Variants in LUZP2 observed in about 807,000 individuals in gnomAD.
LUZP2 encodes leucine zipper protein 2.
A neutral mutation model predicts 51.6 loss-of-function variants in LUZP2; 52 were observed. That is an observed-to-expected ratio of 1.01 (90% CI 0.81 to 1.27). The LOEUF (loss-of-function observed/expected upper bound fraction) is 1.27, where lower values mean the gene tolerates loss of function less well. LUZP2 is among the 50% of genes most tolerant of loss of function. LUZP2 has a pLI of 0.00. For missense variants in LUZP2, 436 were observed against 395.4 expected, an observed-to-expected ratio of 1.10 and a Z score of -0.87; for synonymous variants, 154 against 137.3, an observed-to-expected ratio of 1.12 and a Z score of -0.85.
chr11:25,047,864 G>A (rs928144353), intron 9 of LUZP2, among the ~76,000 whole-genome samples: 2 of 152,074 alleles, frequency 1.3e-5, no homozygotes, highest in Non-Finnish European at 2.9e-5. Context: ...CCTATGCCGG[G>A]TAAGAGTGCA....
At chr11:24,622,236 G>A (rs113886476) in intron 1 of LUZP2, among the ~76,000 whole-genome samples, 35,250 of 150,832 alleles carry the variant, frequency 0.23, 4,384 homozygotes, top group East Asian at 0.32. Flanking sequence ...CCATTAACTC[G>A]TCATTTACAT....
At chr11:25,044,249 GTGTGTGTGTATATATA>G (rs1565273885) in intron 9 of LUZP2, among the ~76,000 whole-genome samples, 1 of 70,512 alleles carries the variant, frequency 1.4e-5, no homozygotes, top group African/African-American at 6.1e-5. Context: ...GTGTGTGTGT[GTGTGTGTGTATATATA>G]TATATATATA....
chr11:24,544,415 T>A (rs1181579067), intron 1 of LUZP2, among the ~76,000 whole-genome samples: 1 of 152,086 alleles, frequency 6.6e-6, no homozygotes, highest in Non-Finnish European at 1.5e-5. Context: ...CCATTAGTTA[T>A]TTTTCCTGAT....
chr11:24,556,882 G>A (rs1251546093), intron 1 of LUZP2, among the ~76,000 whole-genome samples: 1 of 152,060 alleles, frequency 6.6e-6, no homozygotes, highest in African/African-American at 2.4e-5. Flanking sequence ...TGGCCATATG[G>A]TACTAATTTC....
At chr11:24,717,597 A>C (rs892660825) in intron 1 of LUZP2, among the ~76,000 whole-genome samples, 3 of 141,570 alleles carry the variant, frequency 2.1e-5, no homozygotes, top group African/African-American at 8.3e-5. Flanking sequence ...TTTTTTTTTT[A>C]GTAGAGACAG....
chr11:24,497,656 C>T (rs765520118), intron 1 of LUZP2, among the ~76,000 whole-genome samples: 1 of 152,164 alleles, frequency 6.6e-6, no homozygotes, highest in Non-Finnish European at 1.5e-5. Context: ...GAGGGAATTG[C>T]CACCAGGCAG....
At chr11:24,720,751 T>C (rs1399827722) in intron 1 of LUZP2, among the ~76,000 whole-genome samples, 1 of 152,168 alleles carries the variant, frequency 6.6e-6, no homozygotes, top group Non-Finnish European at 1.5e-5. Context: ...CAGGCTGGAG[T>C]GCAGTGGCGC....
chr11:24,804,718 C>A (rs1442516446), intron 5 of LUZP2, among the ~76,000 whole-genome samples: 1 of 152,124 alleles, frequency 6.6e-6, no homozygotes, highest in Non-Finnish European at 1.5e-5. Context: ...TCTTTTATTG[C>A]CTGCTTCAGG....
chr11:24,736,894 G>A (rs1263949961), intron 3 of LUZP2, among the ~76,000 whole-genome samples: 1 of 152,002 alleles, frequency 6.6e-6, no homozygotes. Context: ...CAAAGTGACT[G>A]TAATTATTCT....
intron 7 of LUZP2, among the ~76,000 whole-genome samples, chr11:24,925,685 A>G (rs917457904): frequency 2.0e-5 from 3 of 152,122 alleles, no homozygotes; most frequent in African/African-American, 7.2e-5. Flanking sequence ...TTCTTCAAAT[A>G]GAATGACTAA....
intron 1 of LUZP2, among the ~76,000 whole-genome samples, chr11:24,593,639 C>T (rs1309036868): frequency 6.6e-6 from 1 of 152,124 alleles, no homozygotes; most frequent in African/African-American, 2.4e-5. Context: ...GTTTAGTCAC[C>T]CACTGCAGCT....
intron 10 of LUZP2, among the ~76,000 whole-genome samples, chr11:25,058,642 G>T (rs1041147378): frequency 2.6e-5 from 4 of 152,142 alleles, no homozygotes; most frequent in Non-Finnish European, 5.9e-5. Flanking sequence ...GAGGGCAAAG[G>T]CTATAAAAAT....
intron 5 of LUZP2, among the ~76,000 whole-genome samples, chr11:24,856,917 T>A (rs1851584305): frequency 6.6e-6 from 1 of 151,936 alleles, no homozygotes; most frequent in African/African-American, 2.4e-5. Context: ...AGAGTATAGA[T>A]CATCAGTAGA....
chr11:24,998,590 A>T (rs530000530), intron 9 of LUZP2, among the ~76,000 whole-genome samples: 1 of 152,264 alleles, frequency 6.6e-6, no homozygotes, highest in Non-Finnish European at 1.5e-5. Context: ...TTCAGGAAAA[A>T]CTTAATGAAA....
intron 5 of LUZP2, among the ~76,000 whole-genome samples, chr11:24,882,810 A>G (rs78030768): frequency 8.5e-5 from 6 of 70,194 alleles, no homozygotes; most frequent in Non-Finnish European, 1.5e-4. Context: ...AAGGAAGGGA[A>G]GAAGGGAGGG....
chr11:24,646,621 T>C (rs543727044), intron 1 of LUZP2: 4 of 983,602 alleles, frequency 4.1e-6, no homozygotes, highest in African/African-American at 1.7e-5. Context: ...CAGGTATCAA[T>C]GATTTTCATT....
At chr11:24,538,645 T>C (rs925556123) in intron 1 of LUZP2, among the ~76,000 whole-genome samples, 4 of 94,564 alleles carry the variant, frequency 4.2e-5, no homozygotes, top group African/African-American at 1.5e-4. Context: ...ATTTATGTGT[T>C]TTTTATATGT....
At chr11:24,740,815 T>C (rs973913074) in intron 4 of LUZP2, among the ~76,000 whole-genome samples, 8 of 152,164 alleles carry the variant, frequency 5.3e-5, no homozygotes, top group Non-Finnish European at 8.8e-5. Context: ...TTGATTTCTC[T>C]GAGGCTTTTT....
intron 1 of LUZP2, among the ~76,000 whole-genome samples, chr11:24,626,668 A>G (rs1384538632): frequency 2.0e-5 from 3 of 152,196 alleles, no homozygotes; most frequent in African/African-American, 7.2e-5. Flanking sequence ...AATTGTTTGT[A>G]AGGAAAATAC....
Sources: gnomAD v4.1 joint callset for allele counts (sites outside exome capture counted in the v4.1 genomes callset) on GRCh38, gnomAD v4.1.1 for gene constraint, MANE v1.5 for transcripts, NCBI Gene and HGNC (gene_info 2026-07-23, HGNC 2026-07-21) for gene names.